The following CSMD1 variants were observed in gnomAD, a reference collection of about 807,000 sequenced individuals.
CSMD1 encodes CUB and sushi domain-containing protein 1.
In CSMD1, 213 loss-of-function variants were observed where a neutral mutation model predicts 417.5. That is an observed-to-expected ratio of 0.51 (90% confidence interval 0.46 to 0.57). The LOEUF (loss-of-function observed/expected upper bound fraction) is 0.57. Ranked by LOEUF, CSMD1 falls within the 20% of genes least tolerant of loss-of-function variation. CSMD1 has a pLI of 0.00. For synonymous variants in CSMD1, 2,862 were observed against 1,736.8 expected, an observed-to-expected ratio of 1.65 and a Z score of -16.11; for missense variants, 6,923 against 4,529.7, an observed-to-expected ratio of 1.53 and a Z score of -15.17.
Position 4,032,051 on chromosome 8 carries a change from A to C in CSMD1, c.464T>G (p.Val155Gly). The change falls in exon 4 of 70, where the codon GTT becomes GGT. Residue 155 changes from valine to glycine, a missense_variant. Coordinates refer to ENST00000635120, the MANE Select transcript of CSMD1 (RefSeq NM_033225.6). ...CGNPGEILKG[V>G]LHGTRFNIGD... Reference sequence around the variant, plus strand: ...TATGTTGAATCTCGTTCCATGCAGAACTCCTTTCAGGATTTCTCCAGGATT... The same window carrying C: ...TATGTTGAATCTCGTTCCATGCAGACCTCCTTTCAGGATTTCTCCAGGATT... The C allele has an allele frequency of 2.5e-6, 4 of 1,613,796 alleles. No homozygotes were observed. Among genetic ancestry groups the C allele is most frequent in the Non-Finnish European group, 3.4e-6 (4 of 1,179,794 alleles).
intron 6 of CSMD1, among the ~76,000 whole-genome samples, chr8:3,718,849 C>A (rs968142233): frequency 6.6e-6 from 1 of 152,086 alleles, no homozygotes; most frequent in Non-Finnish European, 1.5e-5. Context: ...AACTTGGAAG[C>A]AGGTGGAATT....
At chr8:2,950,096 G>C (rs1585040271) in intron 67 of CSMD1, 135 bp downstream of exon 67, 1 of 621,944 alleles carries the variant, frequency 1.6e-6, no homozygotes, top group Non-Finnish European at 2.9e-6. Context: ...CTGTCAAGAA[G>C]AGGGGCAGCT....
chr8:3,763,193 C>T (rs1303050749), intron 5 of CSMD1, among the ~76,000 whole-genome samples: 2 of 152,190 alleles, frequency 1.3e-5, no homozygotes, highest in African/African-American at 4.8e-5. Flanking sequence ...GCCAGTCCCA[C>T]ATCATAAAGT....
intron 3 of CSMD1, among the ~76,000 whole-genome samples, chr8:4,156,906 C>T (rs1796865824): frequency 6.6e-6 from 1 of 152,132 alleles, no homozygotes; most frequent in Non-Finnish European, 1.5e-5. Context: ...ATTTTTCTTA[C>T]CTCTCCGGAC....
chr8:4,130,864 A>G (rs1169607796), intron 3 of CSMD1, among the ~76,000 whole-genome samples: 1 of 147,198 alleles, frequency 6.8e-6, no homozygotes, highest in African/African-American at 2.7e-5. Context: ...TTTAACTTAG[A>G]AAGAGTGTTC....
chr8:3,411,698 G>A (rs1426937738), intron 12 of CSMD1, among the ~76,000 whole-genome samples: 1 of 122,626 alleles, frequency 8.2e-6, no homozygotes, highest in Non-Finnish European at 1.7e-5. Flanking sequence ...ATATACACAC[G>A]TATATATACA....
At chr8:3,341,205 A>G (rs1382923968) in intron 23 of CSMD1, among the ~76,000 whole-genome samples, 1 of 152,102 alleles carries the variant, frequency 6.6e-6, no homozygotes, top group East Asian at 1.9e-4. Flanking sequence ...GAGGGTGGAC[A>G]TCAACATGGA....
chr8:4,571,836 G>T (rs373557222), intron 2 of CSMD1, among the ~76,000 whole-genome samples: 1 of 152,124 alleles, frequency 6.6e-6, no homozygotes, highest in Non-Finnish European at 1.5e-5. Flanking sequence ...ATATATTTAG[G>T]ATTGTTAACT....
chr8:2,963,767 G>T (rs1803703508), intron 59 of CSMD1, among the ~76,000 whole-genome samples: 1 of 152,170 alleles, frequency 6.6e-6, no homozygotes, highest in Non-Finnish European at 1.5e-5. Context: ...CAAATTTATA[G>T]GCACAGATGG....
intron 1 of CSMD1, among the ~76,000 whole-genome samples, chr8:4,964,160 C>A (rs1809693843): frequency 6.6e-6 from 1 of 151,638 alleles, no homozygotes; most frequent in South Asian, 2.1e-4. Flanking sequence ...ACTTCAGGAC[C>A]AAGGAGGAGA....
At chr8:3,373,327 C>T (rs1810093283) in intron 18 of CSMD1, 1 of 152,220 alleles carries the variant, frequency 6.6e-6, no homozygotes, top group Non-Finnish European at 1.5e-5. Context: ...CACTGACCAG[C>T]CCCGTCATGC....
intron 3 of CSMD1, among the ~76,000 whole-genome samples, chr8:4,187,769 C>T (rs1007559095): frequency 1.3e-5 from 2 of 150,194 alleles, no homozygotes; most frequent in Admixed American, 6.6e-5. Flanking sequence ...ATATTTCACT[C>T]TCACCATATA....
intron 1 of CSMD1, among the ~76,000 whole-genome samples, chr8:4,962,039 G>A (rs1204439947): frequency 1.3e-5 from 2 of 151,084 alleles, no homozygotes; most frequent in African/African-American, 4.9e-5. Flanking sequence ...ACTTTGGGAA[G>A]GTTTTTTTGA....
In CSMD1 at chr8:3,199,744, A is replaced by C; in HGVS notation, c.5164T>G (p.Ser1722Ala). The C allele has an allele frequency of 1.9e-6, 3 of 1,589,396 alleles. No individual in the cohort carries two copies. The highest frequency in any genetic ancestry group is 2.6e-6 in the Non-Finnish European group (3 of 1,167,510). ...TACACGAAGTGGAAGCCGCGGGCAG[A>C]GGCACCGCTCTTTGCACTGAATCGG... ...LLRFSAKSGA[S>A]ARGFHFVYQA... Residue 1722 changes from serine (S) to alanine (A), a missense_variant, in exon 33 of 70, where the codon TCT becomes GCT. Transcript: ENST00000635120.
In CSMD1 at chr8:4,567,673, C is replaced by G. The variant is rs148090417; in HGVS notation, c.302+69669G>C. On this transcript the variant is annotated intron_variant, in intron 2 of 69. Transcript: ENST00000635120. ...AATAAAGGACGAAGGTTCTTCTGCC[C>G]AGATGCTGATTTTCACAATACATTA... 4.9e-3 allele frequency among the ~76,000 whole-genome samples: 748 copies of G among 152,218 alleles called. 4 individuals are homozygous for G. Among genetic ancestry groups the G allele is most frequent in the Non-Finnish European group, 5.0e-3 (343 of 68,018 alleles).
chr8:4,241,092 CATAGAATCCTCTA>C (rs1802371716), intron 3 of CSMD1, among the ~76,000 whole-genome samples: 1 of 152,144 alleles, frequency 6.6e-6, no homozygotes. Context: ...TTATCCTCTA[CATAGAATCCTCTA>C]AACCTGTGTT....
chr8:3,899,952 G>A (rs1807618323), intron 5 of CSMD1, among the ~76,000 whole-genome samples: 1 of 152,262 alleles, frequency 6.6e-6, no homozygotes, highest in South Asian at 2.1e-4. Flanking sequence ...CCCATGGGAA[G>A]GGTAGTTGCT....
intron 3 of CSMD1, among the ~76,000 whole-genome samples, chr8:4,053,789 C>G (rs1409629032): frequency 6.6e-6 from 1 of 152,004 alleles, no homozygotes; most frequent in Non-Finnish European, 1.5e-5. Flanking sequence ...AGAGAATAAA[C>G]CAGTATGTTT....
intron 1 of CSMD1, among the ~76,000 whole-genome samples, chr8:4,718,818 C>G (rs1221826910): frequency 6.6e-6 from 1 of 151,624 alleles, no homozygotes; most frequent in Non-Finnish European, 1.5e-5. Flanking sequence ...ATGAAATATT[C>G]AAGACCAAAT....
Sources: gnomAD v4.1 joint callset for allele counts (sites outside exome capture counted in the v4.1 genomes callset) on GRCh38, gnomAD v4.1.1 for gene constraint, MANE v1.5 for transcripts, NCBI Gene and HGNC (gene_info 2026-07-23, HGNC 2026-07-21) for gene names.